SPIDR: variants seen among roughly 807,000 people sequenced by gnomAD.
The protein encoded by SPIDR is scaffold protein involved in DNA repair, also known as DNA repair-scaffolding protein.
SPIDR carries 93 observed loss-of-function variants against 104.6 expected under a neutral mutation model. The observed-to-expected ratio is 0.89, with a 90% CI of 0.75 to 1.06. The LOEUF (loss-of-function observed/expected upper bound fraction) is 1.06. Ranked by LOEUF, SPIDR falls within the 50% of genes least tolerant of loss-of-function variation. The pLI is 0.00. For missense variants in SPIDR, 1,154 were observed against 1,111.2 expected (o/e 1.04, Z -0.55); for synonymous variants, 431 against 416.9 (o/e 1.03, Z -0.41).
chr8:47,435,650 A>T (rs1487368739), intron 7 of SPIDR, among the ~76,000 whole-genome samples: 2 of 152,272 alleles, frequency 1.3e-5, no homozygotes, highest in South Asian at 4.1e-4. Context: ...CTCTTTGATG[A>T]TTAGCACTTG....
In SPIDR at chr8:47,293,848, TA is replaced by T. The variant is rs1488483048; in HGVS notation, c.362-14del. On this transcript the variant is annotated intron_variant, in intron 4 of 19. Transcript: ENST00000297423. ...AGATTAAGGAGATAATTAAGCAAGT[TA>T]AAAATTATATTTTTTAGATGAATTA... The T allele has an allele frequency of 3.1e-6, 5 of 1,593,970 alleles. No homozygotes were observed. In the East Asian group the frequency reaches 8.9e-5, roughly 29 times the overall value.
intron 5 of SPIDR, among the ~76,000 whole-genome samples, chr8:47,338,138 C>G (rs1343698954): frequency 6.6e-6 from 1 of 152,180 alleles, no homozygotes; most frequent in Non-Finnish European, 1.5e-5. Context: ...CTGTAGGTCT[C>G]TTGCCTGTCC....
chr8:47,487,951 T>G (rs1308304699), intron 8 of SPIDR, among the ~76,000 whole-genome samples: 8 of 151,962 alleles, frequency 5.3e-5, no homozygotes, highest in African/African-American at 9.6e-5. Flanking sequence ...AAGAACTAGA[T>G]AAGCAAGAGC....
chr8:47,723,549 C>A (rs2083741528), intron 16 of SPIDR, among the ~76,000 whole-genome samples: 1 of 151,732 alleles, frequency 6.6e-6, no homozygotes, highest in African/African-American at 2.4e-5. Flanking sequence ...TCTGCCTCAG[C>A]CTCCTGAGTA....
At chr8:47,490,674 G>T (rs1333895199) in intron 8 of SPIDR, among the ~76,000 whole-genome samples, 3 of 152,146 alleles carry the variant, frequency 2.0e-5, no homozygotes, top group Admixed American at 2.0e-4. Flanking sequence ...CCATAAAAAA[G>T]GATGAGTTCA....
chr8:47,544,233 C>T (rs1554782249), intron 8 of SPIDR, among the ~76,000 whole-genome samples: 1 of 151,940 alleles, frequency 6.6e-6, no homozygotes, highest in Non-Finnish European at 1.5e-5. Context: ...TGCTCATTTT[C>T]TAATTGGATT....
At chr8:47,361,223 G>T (rs1415436432) in intron 5 of SPIDR, among the ~76,000 whole-genome samples, 1 of 152,164 alleles carries the variant, frequency 6.6e-6, no homozygotes, top group Non-Finnish European at 1.5e-5. Context: ...GAGGAAAACT[G>T]CATTGTCAGC....
chr8:47,477,348 C>T (rs1327937840), intron 8 of SPIDR, among the ~76,000 whole-genome samples: 1 of 152,088 alleles, frequency 6.6e-6, no homozygotes, highest in Admixed American at 6.5e-5. Context: ...AGGCGCTTGG[C>T]GACCACGCCC....
chr8:47,599,905 G>A (rs1260740605), intron 10 of SPIDR, among the ~76,000 whole-genome samples: 2 of 152,098 alleles, frequency 1.3e-5, no homozygotes, highest in Non-Finnish European at 2.9e-5. Flanking sequence ...TTACAGGCTT[G>A]CACCACCATG....
intron 10 of SPIDR, chr8:47,673,383 A>G (rs2076032342): frequency 2.2e-6 from 1 of 456,752 alleles, no homozygotes; most frequent in Non-Finnish European, 4.4e-6. Flanking sequence ...CTCAGTATCG[A>G]GCATCCACAC....
chr8:47,501,102 C>T (rs1022198427), intron 8 of SPIDR, among the ~76,000 whole-genome samples: 18 of 152,148 alleles, frequency 1.2e-4, no homozygotes, highest in Admixed American at 4.6e-4. Flanking sequence ...GTTCTTTTGG[C>T]TTAGGATTGA....
intron 8 of SPIDR, among the ~76,000 whole-genome samples, chr8:47,506,612 G>A (rs1267280022): frequency 1.3e-5 from 2 of 152,004 alleles, no homozygotes; most frequent in African/African-American, 4.8e-5. Context: ...ACCGAGAGAG[G>A]AAGAAGTATG....
rs373193580 is a variant in SPIDR, at chr8:47,392,112, G to A, written c.526-4264G>A. Among the ~76,000 whole-genome samples, 31 of 151,806 alleles carry A rather than the reference G, an allele frequency of 2.0e-4. 1 individual carries two copies. The highest frequency in any genetic ancestry group is 3.4e-3 in the Middle Eastern group (1 of 292). Reference sequence around the variant, plus strand: ...AAACCAAACGACATGTAAACTATATGGGCTAAAAAGCATAGCTAACATTTG... The same window carrying A: ...AAACCAAACGACATGTAAACTATATAGGCTAAAAAGCATAGCTAACATTTG... On this transcript the variant is annotated intron_variant, in intron 5 of 19. Coordinates refer to ENST00000297423, the MANE Select transcript of SPIDR (RefSeq NM_001080394.4).
intron 19 of SPIDR, among the ~76,000 whole-genome samples, chr8:47,730,427 A>G (rs1412914065): frequency 6.6e-6 from 1 of 152,236 alleles, no homozygotes; most frequent in African/African-American, 2.4e-5. Context: ...CCAGTTCACA[A>G]GAGACATCTG....
At chr8:47,519,342 A>G (rs1411845711) in intron 8 of SPIDR, among the ~76,000 whole-genome samples, 8 of 152,078 alleles carry the variant, frequency 5.3e-5, no homozygotes. Context: ...GCGGGGTTTC[A>G]TCATGTTAGC....
intron 7 of SPIDR, among the ~76,000 whole-genome samples, chr8:47,438,322 T>TA: frequency 6.6e-6 from 1 of 152,324 alleles, no homozygotes; most frequent in South Asian, 2.1e-4. Context: ...GTACAAGTTT[T>TA]AAAAATTCTT....
chr8:47,727,170 T>TGG, intron 16 of SPIDR, 30 bp from the exon 17 acceptor site: 1 of 1,608,870 alleles, frequency 6.2e-7, no homozygotes, highest in Non-Finnish European at 8.5e-7. Context: ...GAGCCGCCTC[T>TGG]GAGGTGGGCT....
In SPIDR at chr8:47,642,198, C is replaced by T. The variant is rs558314746; in HGVS notation, c.1545-31603C>T. Among the ~76,000 whole-genome samples, 33 of 151,760 alleles carry T rather than the reference C, an allele frequency of 2.2e-4. No homozygotes were observed. In the South Asian group the frequency reaches 3.1e-3, roughly 14 times the overall value. On this transcript the variant is annotated intron_variant, in intron 10 of 19. Transcript: ENST00000297423. ...CAGCACTTTGGGAGGCCGAGGCAGG[C>T]GGATCACGAAGTAAGGAGATCAAGA...
At chr8:47,410,345 T>G (rs1283966602) in intron 7 of SPIDR, among the ~76,000 whole-genome samples, 1 of 151,900 alleles carries the variant, frequency 6.6e-6, no homozygotes, top group Non-Finnish European at 1.5e-5. Context: ...CACGCCTGGC[T>G]AATTTTTGTA....
Sources: gnomAD v4.1 joint callset for allele counts (sites outside exome capture counted in the v4.1 genomes callset) on GRCh38, gnomAD v4.1.1 for gene constraint, MANE v1.5 for transcripts, NCBI Gene and HGNC (gene_info 2026-07-23, HGNC 2026-07-21) for gene names.